The following RBMS3 variants were observed in gnomAD, a reference collection of about 807,000 sequenced individuals.
RBMS3 encodes RNA binding motif single stranded interacting protein 3.
In RBMS3, 27 loss-of-function variants were observed where a neutral mutation model predicts 66.8. The observed-to-expected ratio is 0.40, with a 90% CI of 0.30 to 0.56. The LOEUF (loss-of-function observed/expected upper bound fraction) is 0.56, where lower values mean the gene tolerates loss of function less well. Among genes scored for constraint, RBMS3 ranks in the 20% least tolerant of loss-of-function variants. The pLI is 0.40. For missense variants in RBMS3, 513 were observed against 549.5 expected (o/e 0.93, Z 0.66); for synonymous variants, 188 against 183.0 (o/e 1.03, Z -0.22).
intron 1 of RBMS3, among the ~76,000 whole-genome samples, chr3:29,364,104 C>A (rs981414108): frequency 2.1e-4 from 32 of 151,870 alleles, no homozygotes; most frequent in African/African-American, 7.7e-4. Context: ...ATATTGGAAC[C>A]ATTACATGTC....
chr3:29,438,951 G>A (rs2041504583), intron 2 of RBMS3, among the ~76,000 whole-genome samples: 1 of 152,160 alleles, frequency 6.6e-6, no homozygotes. Flanking sequence ...GACCTAGTTA[G>A]GGCGATTAGC....
chr3:29,754,836 C>T (rs2055334119), intron 5 of RBMS3, among the ~76,000 whole-genome samples: 1 of 152,160 alleles, frequency 6.6e-6, no homozygotes. Flanking sequence ...CTTTGTGTCA[C>T]AAATGCTAGG....
At chr3:30,001,216 T>C (rs1018088291) in intron 14 of RBMS3, among the ~76,000 whole-genome samples, 1 of 152,086 alleles carries the variant, frequency 6.6e-6, no homozygotes, top group Admixed American at 6.6e-5. Context: ...GTAGAGGGAA[T>C]ATACTGTGAC....
At chr3:29,839,759 A>G (rs2058617681) in intron 6 of RBMS3, among the ~76,000 whole-genome samples, 1 of 151,882 alleles carries the variant, frequency 6.6e-6, no homozygotes, top group African/African-American at 2.4e-5. Flanking sequence ...GTAGAGATAC[A>G]GATTTCTTCT....
intron 4 of RBMS3, among the ~76,000 whole-genome samples, chr3:29,681,267 C>T (rs1258988832): frequency 1.3e-5 from 2 of 152,210 alleles, no homozygotes; most frequent in South Asian, 2.1e-4. Context: ...GAAAGCTAAT[C>T]AGCTTCTTCT....
At chr3:29,795,298 G>A (rs550134382) in intron 6 of RBMS3, among the ~76,000 whole-genome samples, 88 of 152,280 alleles carry the variant, frequency 5.8e-4, no homozygotes, top group African/African-American at 2.0e-3. Flanking sequence ...TGGGAAATTC[G>A]TGCTCAACTT....
At chr3:29,791,887 G>C (rs2057024358) in intron 6 of RBMS3, among the ~76,000 whole-genome samples, 1 of 151,946 alleles carries the variant, frequency 6.6e-6, no homozygotes, top group Non-Finnish European at 1.5e-5. Context: ...TCATATAATG[G>C]TTATTCTTAT....
intron 6 of RBMS3, among the ~76,000 whole-genome samples, chr3:29,763,920 C>G (rs1379194732): frequency 1.3e-5 from 2 of 152,056 alleles, no homozygotes; most frequent in Non-Finnish European, 2.9e-5. Flanking sequence ...CTTCTTCCAT[C>G]TTACAATATG....
chr3:29,417,795 G>GTGA (rs10687144), intron 1 of RBMS3, among the ~76,000 whole-genome samples: 20,218 of 152,104 alleles, frequency 0.13, 1,430 homozygotes, highest in South Asian at 0.19. Flanking sequence ...ATTTTCAGAA[G>GTGA]TGACACAATC....
intron 1 of RBMS3, among the ~76,000 whole-genome samples, chr3:29,421,828 A>G (rs79169468): frequency 1.3e-5 from 2 of 151,852 alleles, no homozygotes; most frequent in East Asian, 3.9e-4. Flanking sequence ...TCATTCTGAC[A>G]AGCATCAATG....
Position 29,410,967 on chromosome 3 carries a change from T to TAAA in RBMS3, c.76-23763_76-23761dup, listed in dbSNP as rs112088181. Reference sequence around the variant, plus strand: ...TTCATGATTCCTATCCCTTTCTTCTTAAAAAAAAAAAAAAAGCAACACAAC... The same window carrying TAAA: ...TTCATGATTCCTATCCCTTTCTTCTTAAAAAAAAAAAAAAAAAAGCAACACAAC... On this transcript the variant is annotated intron_variant, in intron 1 of 14. Coordinates refer to ENST00000383767, the MANE Select transcript of RBMS3 (RefSeq NM_001003793.3). Among the ~76,000 whole-genome samples, 277 of 135,922 alleles carry TAAA rather than the reference T, an allele frequency of 2.0e-3. 1 individual carries two copies. The highest frequency in any genetic ancestry group is 4.7e-3 in the African/African-American group (182 of 38,656). The allele number at this position is 135,922 out of a possible 152,430, so 89.2% of individuals were successfully genotyped here.
intron 12 of RBMS3, among the ~76,000 whole-genome samples, chr3:29,987,594 T>G (rs927500603): frequency 6.6e-6 from 1 of 151,792 alleles, no homozygotes; most frequent in Admixed American, 6.6e-5. Context: ...TAATACTCCA[T>G]TTTTTTATAT....
At chr3:29,972,155 A>T (rs1039499948) in intron 12 of RBMS3, among the ~76,000 whole-genome samples, 1 of 151,766 alleles carries the variant, frequency 6.6e-6, no homozygotes, top group African/African-American at 2.4e-5. Flanking sequence ...CTGGCACCAG[A>T]GGGTCGATTT....
intron 6 of RBMS3, among the ~76,000 whole-genome samples, chr3:29,803,836 A>G (rs2057461024): frequency 6.6e-6 from 1 of 152,090 alleles, no homozygotes; most frequent in Non-Finnish European, 1.5e-5. Flanking sequence ...TATTCTCAAG[A>G]AACTGCAATT....
intron 3 of RBMS3, among the ~76,000 whole-genome samples, chr3:29,519,751 A>G (rs191505828): frequency 7.5e-4 from 114 of 152,244 alleles, no homozygotes; most frequent in African/African-American, 2.5e-3. Flanking sequence ...TTTCCCCCCA[A>G]AATAGTATCA....
intron 3 of RBMS3, among the ~76,000 whole-genome samples, chr3:29,571,864 A>C (rs1355221021): frequency 1.3e-5 from 2 of 152,300 alleles, no homozygotes; most frequent in South Asian, 2.1e-4. Context: ...TGTTTTGGAT[A>C]GTATGCACAT....
intron 6 of RBMS3, among the ~76,000 whole-genome samples, chr3:29,822,228 C>T (rs1273892557): frequency 6.6e-6 from 1 of 152,120 alleles, no homozygotes; most frequent in Non-Finnish European, 1.5e-5. Flanking sequence ...TGTGTGACTG[C>T]AAGTATTTGA....
At chr3:29,462,989 T>G (rs1040933305) in intron 2 of RBMS3, among the ~76,000 whole-genome samples, 1 of 152,218 alleles carries the variant, frequency 6.6e-6, no homozygotes, top group Non-Finnish European at 1.5e-5. Flanking sequence ...GATATAATGC[T>G]ATTGTTAGGA....
At chr3:29,486,385 T>C (rs950388097) in intron 2 of RBMS3, among the ~76,000 whole-genome samples, 7 of 152,178 alleles carry the variant, frequency 4.6e-5, no homozygotes, top group Non-Finnish European at 8.8e-5. Context: ...TTGCGTCAAG[T>C]ACTCTGAGTT....
Sources: allele counts gnomAD v4.1 joint callset (sites outside exome capture counted in the v4.1 genomes callset), GRCh38; gene constraint gnomAD v4.1.1; transcripts MANE v1.5; gene names NCBI Gene and HGNC (gene_info 2026-07-23, HGNC 2026-07-21).